The following ELAVL2 variants were observed in gnomAD, a reference collection of about 807,000 sequenced individuals.
ELAVL2 encodes the protein ELAV-like protein 2.
ELAVL2 carries 4 observed loss-of-function variants against 34.6 expected under a neutral mutation model. The observed-to-expected ratio is 0.12, with a 90% CI of 0.06 to 0.26. The LOEUF is 0.26. ELAVL2 is among the 10% of genes least tolerant of loss of function. The pLI, the probability that ELAVL2 is intolerant of heterozygous loss-of-function variation, is 1.00. For missense variants in ELAVL2, 432 were observed against 442.8 expected (o/e 0.98, Z 0.22); for synonymous variants, 193 against 154.8 (o/e 1.25, Z -1.83).
intron 5 of ELAVL2, among the ~76,000 whole-genome samples, chr9:23,699,831 T>G (rs992271680): frequency 4.8e-5 from 4 of 83,478 alleles, no homozygotes; most frequent in Admixed American, 1.0e-4. Context: ...TTTTTTTTTT[T>G]TTTTTTTTTT....
chr9:23,767,725 A>T (rs891829299), intron 1 of ELAVL2, among the ~76,000 whole-genome samples: 4 of 152,150 alleles, frequency 2.6e-5, no homozygotes, highest in African/African-American at 7.2e-5. Context: ...GTCAGCAGAG[A>T]TCACACCACT....
chr9:23,828,941 A>T (rs1022051985), upstream of ELAVL2, among the ~76,000 whole-genome samples: 3 of 152,244 alleles, frequency 2.0e-5, no homozygotes, highest in Admixed American at 6.5e-5. Context: ...ATTAACAAAT[A>T]CATACTATCC....
chr9:23,822,612 C>T (rs947179511), intron 1 of ELAVL2, among the ~76,000 whole-genome samples: 2 of 152,222 alleles, frequency 1.3e-5, no homozygotes, highest in African/African-American at 4.8e-5. Context: ...AGTCAAAACC[C>T]ACCCCGGAGC....
chr9:23,769,769 T>C (rs757677556), intron 1 of ELAVL2, among the ~76,000 whole-genome samples: 49 of 152,176 alleles, frequency 3.2e-4, no homozygotes, highest in Non-Finnish European at 5.7e-4. Flanking sequence ...AGGAGAATGT[T>C]CTTTGGCAGC....
intron 2 of ELAVL2, among the ~76,000 whole-genome samples, chr9:23,748,764 T>C (rs2051150082): frequency 1.3e-5 from 2 of 152,050 alleles, no homozygotes; most frequent in Admixed American, 1.3e-4. Context: ...GGTTGGTCCC[T>C]AAAGCCACTT....
rs1438126909 is a variant in ELAVL2, at chr9:23,797,617, G to A, written c.-16+28189C>T. Among the ~76,000 whole-genome samples the A allele has an allele frequency of 2.0e-5, 3 of 152,208 alleles. No homozygotes were observed. The East Asian group carries it at 5.8e-4, about 29-fold the overall frequency. On this transcript the variant is annotated intron_variant, in intron 1 of 6. Transcript: ENST00000397312. ...GTGTACGATTTAGGTTTGCCATAAT[G>A]ATATACTTGAGTGAATAAAAAGTAT...
intron 3 of ELAVL2, among the ~76,000 whole-genome samples, chr9:23,725,380 CCTA>C (rs1177611940): frequency 2.6e-5 from 4 of 152,140 alleles, no homozygotes; most frequent in African/African-American, 9.7e-5. Context: ...ACTTCCATGC[CCTA>C]CTAAAGTCAT....
intron 3 of ELAVL2, among the ~76,000 whole-genome samples, chr9:23,712,385 A>AT (rs1330842331): frequency 3.3e-5 from 5 of 152,176 alleles, no homozygotes; most frequent in Non-Finnish European, 5.9e-5. Flanking sequence ...TTCCTAGAAA[A>AT]TAAGAACCTT....
At chr9:23,728,988 G>C (rs960008250) in intron 3 of ELAVL2, among the ~76,000 whole-genome samples, 1 of 152,116 alleles carries the variant, frequency 6.6e-6, no homozygotes, top group African/African-American at 2.4e-5. Context: ...AAGCCACAAA[G>C]CTTTACTGTG....
At position 23,810,016 on chromosome 9, in the gene ELAVL2, C is replaced by T. The variant is rs538054573; in HGVS notation, c.-16+15790G>A. ...AAAAAGTAGTATTTCTAAAATCCTG[C>T]CTGATTGGGAACACATTTTTTTTCA... On this transcript the variant is annotated intron_variant, in intron 1 of 6. Coordinates refer to ENST00000397312, the MANE Select transcript of ELAVL2 (RefSeq NM_004432.5). Among the ~76,000 whole-genome samples the T allele has an allele frequency of 7.7e-4, 117 of 152,164 alleles. No individual in the cohort carries two copies. The Middle Eastern group carries it at 0.01, about 13-fold the overall frequency.
rs1200310331 is a variant in ELAVL2 at position 23,730,904 on chromosome 9, T to C, written c.333+118A>G. ...TGCAACAAACACCAAAATTCCACTA[T>C]GTCTCCCAGGTAACTGTTTATATGG... On this transcript the variant is annotated intron_variant, in intron 3 of 6. Transcript: ENST00000397312. The C allele has an allele frequency of 1.5e-5, 13 of 886,274 alleles. 1 individual carries two copies. Among genetic ancestry groups the C allele is most frequent in the African/African-American group, 3.4e-5 (2 of 58,942 alleles). The allele number at this position is 886,274 out of a possible 1,614,324, so 54.9% of individuals were successfully genotyped here. A position where few individuals can be genotyped will look rare whatever the true frequency, so the allele number is the denominator to read the frequency against.
intron 1 of ELAVL2, among the ~76,000 whole-genome samples, chr9:23,782,887 G>A (rs1223949669): frequency 6.6e-6 from 1 of 152,192 alleles, no homozygotes; most frequent in African/African-American, 2.4e-5. Context: ...GAAGTGAGCT[G>A]AAGTGAAACC....
intron 1 of ELAVL2, among the ~76,000 whole-genome samples, chr9:23,794,775 T>C (rs1251731583): frequency 6.6e-6 from 1 of 152,198 alleles, no homozygotes; most frequent in African/African-American, 2.4e-5. Context: ...CAATGCTCCC[T>C]ACAATCTGGG....
At chr9:23,802,295 T>C (rs1366151951) in intron 1 of ELAVL2, among the ~76,000 whole-genome samples, 2 of 152,180 alleles carry the variant, frequency 1.3e-5, no homozygotes, top group Non-Finnish European at 2.9e-5. Flanking sequence ...AATACATTAA[T>C]AATGTTAGTG....
chr9:23,738,578 A>G (rs753211072), intron 2 of ELAVL2, among the ~76,000 whole-genome samples: 22 of 152,190 alleles, frequency 1.4e-4, no homozygotes, highest in Admixed American at 3.9e-4. Flanking sequence ...AGACACTCAC[A>G]TAATACAGAA....
At chr9:23,808,494 TG>T (rs2062544868) in intron 1 of ELAVL2, among the ~76,000 whole-genome samples, 1 of 152,024 alleles carries the variant, frequency 6.6e-6, no homozygotes. Flanking sequence ...TTTAAAGTAC[TG>T]GGGGGCAGAA....
intron 3 of ELAVL2, among the ~76,000 whole-genome samples, chr9:23,727,566 C>T (rs1160417877): frequency 6.6e-6 from 1 of 152,050 alleles, no homozygotes; most frequent in East Asian, 1.9e-4. Context: ...AAGTGCTAGG[C>T]CTTAGACTTG....
chr9:23,730,508 A>G (rs902503134), intron 3 of ELAVL2, among the ~76,000 whole-genome samples: 1 of 152,134 alleles, frequency 6.6e-6, no homozygotes, highest in Non-Finnish European at 1.5e-5. Flanking sequence ...AATAAAAAGA[A>G]TATTTGTAAT....
chr9:23,798,517 T>C (rs1376253866), intron 1 of ELAVL2, among the ~76,000 whole-genome samples: 1 of 152,208 alleles, frequency 6.6e-6, no homozygotes, highest in Non-Finnish European at 1.5e-5. Context: ...TGTAGACTGC[T>C]GAGAACAGTG....
Sources: gnomAD v4.1 joint callset for allele counts (sites outside exome capture counted in the v4.1 genomes callset) on GRCh38, gnomAD v4.1.1 for gene constraint, MANE v1.5 for transcripts, NCBI Gene and HGNC (gene_info 2026-07-23, HGNC 2026-07-21) for gene names.